The following DENND1A variants were observed in gnomAD, a reference collection of about 807,000 sequenced individuals.
DENND1A encodes the protein DENN domain containing 1A.
In DENND1A, 51 loss-of-function variants were observed where a neutral mutation model predicts 113.7. The ratio of observed to expected loss-of-function variants is 0.45; its 90% CI spans 0.36 to 0.57. The LOEUF is 0.57. Ranked by LOEUF, DENND1A falls within the 20% of genes least tolerant of loss-of-function variation. The probability of loss-of-function intolerance (pLI) is 0.00; values close to 1 mark genes in which losing one functional copy is unlikely to be tolerated. For synonymous variants in DENND1A, 565 were observed against 570.8 expected (o/e 0.99, Z 0.14); for missense variants, 1,258 against 1,395.9 (o/e 0.90, Z 1.57).
chr9:123,469,354 G>A (rs1045716679), intron 13 of DENND1A, among the ~76,000 whole-genome samples: 1 of 152,252 alleles, frequency 6.6e-6, no homozygotes, highest in Admixed American at 6.5e-5. Flanking sequence ...ATTTGCAGGG[G>A]CAGGCATGGC....
chr9:123,763,077 A>ATT (rs34020642), intron 4 of DENND1A, among the ~76,000 whole-genome samples: 5 of 144,400 alleles, frequency 3.5e-5, no homozygotes, highest in Admixed American at 6.9e-5. Context: ...AAGAATTCAG[A>ATT]TTTTTTTTTT....
intron 1 of DENND1A, among the ~76,000 whole-genome samples, chr9:123,888,828 C>T (rs1460925489): frequency 6.6e-6 from 1 of 152,178 alleles, no homozygotes; most frequent in Non-Finnish European, 1.5e-5. Flanking sequence ...GACGTAGTAA[C>T]AAATTGCCAT....
chr9:123,427,573 A>G (rs2045837497), intron 19 of DENND1A, among the ~76,000 whole-genome samples: 2 of 151,920 alleles, frequency 1.3e-5, no homozygotes, highest in Non-Finnish European at 2.9e-5. Flanking sequence ...TCAGCCCTGC[A>G]TGCTCTCTCG....
intron 1 of DENND1A, among the ~76,000 whole-genome samples, chr9:123,893,664 T>G (rs1461250485): frequency 6.6e-6 from 1 of 152,220 alleles, no homozygotes. Context: ...TGACATACTG[T>G]GAGGGAGGGA....
chr9:123,568,290 C>T (rs1589166878), intron 12 of DENND1A, among the ~76,000 whole-genome samples: 1 of 152,108 alleles, frequency 6.6e-6, no homozygotes, highest in Non-Finnish European at 1.5e-5. Flanking sequence ...GTTACTTGGC[C>T]CCTTTTCTTC....
At chr9:123,402,974 G>C (rs2043616120) in intron 21 of DENND1A, among the ~76,000 whole-genome samples, 1 of 152,160 alleles carries the variant, frequency 6.6e-6, no homozygotes, top group African/African-American at 2.4e-5. Flanking sequence ...GGTCCTGGTG[G>C]GTCTGGGGCA....
At chr9:123,862,728 C>T (rs1845219320) in intron 2 of DENND1A, among the ~76,000 whole-genome samples, 1 of 152,118 alleles carries the variant, frequency 6.6e-6, no homozygotes, top group African/African-American at 2.4e-5. Flanking sequence ...CACCCCTCAC[C>T]CCCGAAAAAA....
At chr9:123,523,831 G>A (rs72757115) in intron 13 of DENND1A, among the ~76,000 whole-genome samples, 1 of 152,138 alleles carries the variant, frequency 6.6e-6, no homozygotes, top group Non-Finnish European at 1.5e-5. Flanking sequence ...TCTGCTCTTT[G>A]AATCAATATT....
At chr9:123,514,100 G>GTGTGTGTGTC (rs1366650251) in intron 13 of DENND1A, among the ~76,000 whole-genome samples, 2 of 43,464 alleles carry the variant, frequency 4.6e-5, no homozygotes, top group Non-Finnish European at 1.6e-4. Flanking sequence ...GTGTGTGTAT[G>GTGTGTGTGTC]TGTGTGTGTC....
At chr9:123,760,321 A>C (rs545323330) in intron 4 of DENND1A, among the ~76,000 whole-genome samples, 2 of 152,352 alleles carry the variant, frequency 1.3e-5, no homozygotes, top group South Asian at 4.1e-4. Context: ...CAGCCACATA[A>C]ATAATTAAAA....
chr9:123,542,807 G>C (rs1354335900), intron 13 of DENND1A, among the ~76,000 whole-genome samples: 1 of 152,108 alleles, frequency 6.6e-6, no homozygotes, highest in East Asian at 1.9e-4. Flanking sequence ...CTGGCCTCAC[G>C]AACACCACCT....
rs908705020 is a variant in DENND1A, at chr9:123,398,443, C to T, written c.1631+4959G>A. On this transcript the variant is annotated intron_variant, in intron 21 of 23. Transcript: ENST00000394215. Reference sequence around the variant, plus strand: ...AGGCTAGAGTGCAGTGGTGCGATCTCGGCTCACTGCCAGCTCCACCTCCCG... The same window carrying T: ...AGGCTAGAGTGCAGTGGTGCGATCTTGGCTCACTGCCAGCTCCACCTCCCG... Among the ~76,000 whole-genome samples the T allele has an allele frequency of 2.6e-5, 4 of 152,114 alleles. No homozygotes were observed. In the East Asian group the frequency reaches 5.8e-4, roughly 22 times the overall value.
intron 5 of DENND1A, among the ~76,000 whole-genome samples, chr9:123,740,352 T>C (rs2068904591): frequency 6.6e-6 from 1 of 152,198 alleles, no homozygotes; most frequent in South Asian, 2.1e-4. Context: ...TCTAATCTAC[T>C]CTCAGTATAG....
intron 19 of DENND1A, chr9:123,413,736 G>A (rs2044493596): frequency 1.5e-5 from 15 of 985,356 alleles, no homozygotes; most frequent in South Asian, 1.4e-4. Context: ...ACAGCTACCC[G>A]GGAGTTGGGG....
chr9:123,382,681 T>A, intron 23 of DENND1A, 56 bp from the exon 24 acceptor site: 2 of 1,560,848 alleles, frequency 1.3e-6, no homozygotes, highest in Non-Finnish European at 1.8e-6. Context: ...GACATATGTG[T>A]GCCCATTCCC....
chr9:123,521,602 C>A (rs767854090), intron 13 of DENND1A, among the ~76,000 whole-genome samples: 4 of 152,136 alleles, frequency 2.6e-5, no homozygotes, highest in Non-Finnish European at 5.9e-5. Context: ...GCCTTCCATG[C>A]GGAAGGACAG....
At chr9:123,698,632 G>T (rs2065675937) in intron 5 of DENND1A, among the ~76,000 whole-genome samples, 1 of 152,180 alleles carries the variant, frequency 6.6e-6, no homozygotes, top group Non-Finnish European at 1.5e-5. Context: ...TTTACAACAT[G>T]AGTCTAACCA....
At chr9:123,738,632 T>C (rs993153188) in intron 5 of DENND1A, among the ~76,000 whole-genome samples, 1 of 152,324 alleles carries the variant, frequency 6.6e-6, no homozygotes, top group East Asian at 1.9e-4. Flanking sequence ...TATCCTAAAG[T>C]GCTGAAAGAA....
At chr9:123,927,404 C>A (rs1857300375) in intron 1 of DENND1A, among the ~76,000 whole-genome samples, 2 of 152,100 alleles carry the variant, frequency 1.3e-5, no homozygotes, top group African/African-American at 4.8e-5. Flanking sequence ...CTTAAACATA[C>A]CTTTCTCTGA....
Sources: gnomAD v4.1 joint callset for allele counts (sites outside exome capture counted in the v4.1 genomes callset) on GRCh38, gnomAD v4.1.1 for gene constraint, MANE v1.5 for transcripts, NCBI Gene and HGNC (gene_info 2026-07-23, HGNC 2026-07-21) for gene names.